Variants in ABL1 observed in about 807,000 individuals in gnomAD.
ABL1 encodes the protein ABL proto-oncogene 1, non-receptor tyrosine kinase, also known as tyrosine-protein kinase ABL1.
ABL1 carries 11 observed loss-of-function variants against 94.7 expected under a neutral mutation model. The ratio of observed to expected loss-of-function variants is 0.12; its 90% CI spans 0.07 to 0.19. ABL1 has a LOEUF of 0.19. ABL1 is among the 10% of genes least tolerant of loss of function. ABL1 has a pLI of 1.00. For synonymous variants in ABL1, 656 were observed against 622.4 expected (o/e 1.05, Z -0.80); for missense variants, 1,082 against 1,489.4 (o/e 0.73, Z 4.50).
In ABL1 at chr9:130,882,431, G is replaced by C. The variant is rs140080320; in HGVS notation, c.1679-1538G>C. ...CCTTGGGTTCTGATAAATGCATACTGGTACCTCTGTTGAGTTACAGGTGCC... is the reference window on the plus strand; with the variant it reads ...CCTTGGGTTCTGATAAATGCATACTCGTACCTCTGTTGAGTTACAGGTGCC... On this transcript the variant is annotated intron_variant, in intron 10 of 10. Coordinates refer to ENST00000318560, the MANE Select transcript of ABL1 (RefSeq NM_005157.6). 4.9e-4 allele frequency among the ~76,000 whole-genome samples: 74 copies of C among 152,188 alleles called. 1 individual carries two copies. Among genetic ancestry groups the C allele is most frequent in the African/African-American group, 1.3e-3 (54 of 41,526 alleles).
Position 130,872,021 on chromosome 9 carries a change from C to T in ABL1, c.823-108C>T. 1 of 937,238 alleles carries T rather than the reference C, an allele frequency of 1.1e-6. No individual in the cohort carries two copies. The highest frequency in any genetic ancestry group is 1.6e-6 in the Non-Finnish European group (1 of 607,488). The allele number at this position is 937,238 out of a possible 1,614,324, so 58.1% of individuals were successfully genotyped here. ...CAATGTGGCTGTCACAAAACGCAGCCCAGGACGAGTATGCGCTGAAGCTCC... is the reference window on the plus strand; with the variant it reads ...CAATGTGGCTGTCACAAAACGCAGCTCAGGACGAGTATGCGCTGAAGCTCC... On this transcript the variant is annotated intron_variant, in intron 4 of 10. Coordinates refer to ENST00000318560, the MANE Select transcript of ABL1 (RefSeq NM_005157.6). The surrounding 1 kb of genome is among the most constrained non-coding windows in gnomAD (Gnocchi z 5.0).
intron 1 of ABL1, among the ~76,000 whole-genome samples, chr9:130,805,964 G>A (rs535589282): frequency 2.1e-4 from 32 of 152,220 alleles, no homozygotes; most frequent in African/African-American, 7.7e-4. Context: ...TTTTCAGCGT[G>A]GCAACTGCAG....
chr9:130,821,849 T>A (rs1305927621), intron 1 of ABL1, among the ~76,000 whole-genome samples: 1 of 147,834 alleles, frequency 6.8e-6, no homozygotes, highest in Non-Finnish European at 1.5e-5. Flanking sequence ...TATTTTTTTT[T>A]TTTTTTTTTG....
chr9:130,854,028 C>G, intron 1 of ABL1, 36 bp from the exon 2 acceptor site: 2 of 1,554,032 alleles, frequency 1.3e-6, no homozygotes, highest in Non-Finnish European at 1.7e-6. Flanking sequence ...TTTTCTCTTC[C>G]TTTTTCTTTT....
In ABL1 at chr9:130,826,797, G is replaced by A. The variant is rs187011554; in HGVS notation, c.137-27267G>A. On this transcript the variant is annotated intron_variant, in intron 1 of 10. Coordinates refer to the ABL1 transcript ENST00000372348. The stretch of plus-strand genomic sequence containing the variant: ...AGAGGCATTATATTGAGAAATGCCC[G>A]GCCGGGCGCGGTGGCTCACGCCTGT... Among the ~76,000 whole-genome samples, 311 of 152,282 alleles carry A rather than the reference G, an allele frequency of 2.0e-3. 1 individual carries two copies. The highest frequency in any genetic ancestry group is 7.0e-3 in the African/African-American group (293 of 41,562).
intron 1 of ABL1, among the ~76,000 whole-genome samples, chr9:130,740,784 T>A (rs1480309806): frequency 6.6e-6 from 1 of 150,508 alleles, no homozygotes; most frequent in East Asian, 2.0e-4. Context: ...GTCTCTTGAG[T>A]AGATAGGACT....
chr9:130,793,030 A>G (rs1829929288), intron 1 of ABL1, among the ~76,000 whole-genome samples: 1 of 152,114 alleles, frequency 6.6e-6, no homozygotes, highest in Non-Finnish European at 1.5e-5. Flanking sequence ...GGTTCCAGCA[A>G]TTCTATTGCC....
chr9:130,729,083 G>A lies in ABL1; in HGVS notation c.136+14628G>A, dbSNP rs141273310. ...CCTGCCAGGTTTGGTTTTATGCTTT[G>A]TTAGTATGGGTTTATCCTTGGTCCA... On this transcript the variant is annotated intron_variant, in intron 1 of 10. Transcript: ENST00000372348. 2.3e-4 allele frequency among the ~76,000 whole-genome samples: 35 copies of A among 152,294 alleles called. No homozygotes were observed. In the East Asian group the frequency reaches 6.6e-3, roughly 29 times the overall value.
rs1588214886 is a variant in ABL1 at position 130,733,661 on chromosome 9, C to T, written c.136+19206C>T. On this transcript the variant is annotated intron_variant, in intron 1 of 10. Coordinates refer to the ABL1 transcript ENST00000372348. ...TGGCGTAATCTCGGCTCACTGTAAGCTCCGCCACCTGGGTTCACACCATTC... is the reference window on the plus strand; with the variant it reads ...TGGCGTAATCTCGGCTCACTGTAAGTTCCGCCACCTGGGTTCACACCATTC... 3.5e-5 allele frequency among the ~76,000 whole-genome samples: 5 copies of T among 144,166 alleles called. No individual in the cohort carries two copies. The South Asian group carries it at 1.1e-3, about 31-fold the overall frequency. 94.6% of individuals were successfully genotyped at this position (144,166 alleles called of 152,430 possible).
intron 1 of ABL1, among the ~76,000 whole-genome samples, chr9:130,843,082 C>G (rs898952109): frequency 1.3e-5 from 2 of 152,180 alleles, no homozygotes; most frequent in African/African-American, 4.8e-5. Context: ...ATTATTGCTG[C>G]TCTTATTACA....
At chr9:130,730,069 A>C (rs571538000) in intron 1 of ABL1, among the ~76,000 whole-genome samples, 1 of 60,192 alleles carries the variant, frequency 1.7e-5, no homozygotes, top group Non-Finnish European at 3.1e-5. Flanking sequence ...TTGAGATGGA[A>C]TTCTGCTCTT....
intron 1 of ABL1, among the ~76,000 whole-genome samples, chr9:130,822,252 G>A (rs1439779489): frequency 3.3e-5 from 5 of 152,138 alleles, no homozygotes; most frequent in Admixed American, 6.5e-5. Context: ...GATTACAGGC[G>A]TGAGCCACCA....
chr9:130,724,726 G>A (rs796384121), intron 1 of ABL1: 15 of 389,646 alleles, frequency 3.8e-5, no homozygotes, highest in Admixed American at 2.5e-4. Flanking sequence ...CAGCCTGGGC[G>A]ACAGAGCGAA....
chr9:130,725,824 GTTTT>G (rs34517462), intron 1 of ABL1, among the ~76,000 whole-genome samples: 8 of 75,996 alleles, frequency 1.1e-4, no homozygotes, highest in Admixed American at 1.4e-4. Context: ...GTGTATGGTG[GTTTT>G]TTTTTTTTTT....
rs1216325712 is a variant in ABL1 at position 130,862,961 on chromosome 9, G to A, written c.748G>A (p.Gly250Arg). 2 of 1,614,148 alleles carry A rather than the reference G, an allele frequency of 1.2e-6. No individual in the cohort carries two copies. The highest frequency in any genetic ancestry group is 1.1e-5 in the South Asian group (1 of 91,084). The change falls in exon 4 of 11, where the codon GGG (glycine) becomes AGG (arginine). Residue 250 changes from glycine (G) to arginine (R), a missense_variant. This residue lies in a region of ABL1 where 92 missense variants were observed against 212.3 expected (regional missense o/e 0.43). Coordinates refer to ENST00000318560, the MANE Select transcript of ABL1 (RefSeq NM_005157.6). This position sits in a 1 kb window ranked among gnomAD's most constrained non-coding sequence, Gnocchi z 5.5. ...TDITMKHKLG[G>R]GQYGEVYEGV... Reference sequence around the variant, plus strand: ...CATCACCATGAAGCACAAGCTGGGCGGGGGCCAGTACGGGGAGGTGTACGA... The same window carrying A: ...CATCACCATGAAGCACAAGCTGGGCAGGGGCCAGTACGGGGAGGTGTACGA...
intron 1 of ABL1, among the ~76,000 whole-genome samples, chr9:130,735,959 A>ATTTTTT (rs1168330887): frequency 9.7e-4 from 79 of 81,716 alleles, no homozygotes; most frequent in African/African-American, 6.3e-3. Flanking sequence ...ATATATATAT[A>ATTTTTT]TATTTTTTTT....
chr9:130,815,550 C>T (rs1296435536), intron 1 of ABL1, among the ~76,000 whole-genome samples: 2 of 152,134 alleles, frequency 1.3e-5, no homozygotes, highest in Non-Finnish European at 2.9e-5. Flanking sequence ...TCTGCTTGTC[C>T]AAGCCCCTGT....
chr9:130,726,092 A>G (rs997862786), intron 1 of ABL1, among the ~76,000 whole-genome samples: 5 of 150,948 alleles, frequency 3.3e-5, no homozygotes, highest in African/African-American at 1.2e-4. Context: ...CTCAGGTGAT[A>G]CTCCTGCCTC....
At chr9:130,844,259 C>T (rs987868696) in intron 1 of ABL1, among the ~76,000 whole-genome samples, 11 of 152,048 alleles carry the variant, frequency 7.2e-5, no homozygotes, top group Non-Finnish European at 5.9e-5. Context: ...CAGCCAAGGG[C>T]GTGGTAGAGC....
Sources: allele counts gnomAD v4.1 joint callset (sites outside exome capture counted in the v4.1 genomes callset), GRCh38; gene constraint gnomAD v4.1.1; regional missense constraint gnomAD v4.1.1; non-coding constraint Gnocchi (gnomAD v3.1); transcripts MANE v1.5; gene names NCBI Gene and HGNC (gene_info 2026-07-23, HGNC 2026-07-21).